The following ARHGAP10 variants were observed in gnomAD, a reference collection of about 807,000 sequenced individuals.
The protein encoded by ARHGAP10 is rho GTPase-activating protein 10.
Under a neutral mutation model 108.6 loss-of-function variants are expected in ARHGAP10, and 87 were observed. The ratio of observed to expected loss-of-function variants is 0.80; its 90% CI spans 0.67 to 0.96. The LOEUF (loss-of-function observed/expected upper bound fraction) is 0.96, where lower values mean the gene tolerates loss of function less well. Ranked by LOEUF, ARHGAP10 falls within the 40% of genes least tolerant of loss-of-function variation. ARHGAP10 has a pLI of 0.00. For missense variants in ARHGAP10, 939 were observed against 954.5 expected, an observed-to-expected ratio of 0.98 and a Z score of 0.21; for synonymous variants, 347 against 341.1, an observed-to-expected ratio of 1.02 and a Z score of -0.19.
chr4:147,999,871 T>G (rs927812353), intron 18 of ARHGAP10, among the ~76,000 whole-genome samples: 6 of 151,838 alleles, frequency 4.0e-5, no homozygotes, highest in African/African-American at 1.5e-4. Context: ...AATGGATAGC[T>G]TCCTTACTAC....
intron 8 of ARHGAP10, among the ~76,000 whole-genome samples, 185 bp downstream of exon 8, chr4:147,875,335 G>A (rs1735014427): frequency 6.6e-6 from 1 of 152,146 alleles, no homozygotes; most frequent in Non-Finnish European, 1.5e-5. Context: ...CTGGAGAGAG[G>A]GGGTACTGTG....
At chr4:147,892,537 C>G (rs1735826936) in intron 10 of ARHGAP10, among the ~76,000 whole-genome samples, 1 of 151,836 alleles carries the variant, frequency 6.6e-6, no homozygotes, top group Admixed American at 6.6e-5. Context: ...AGTAACAGTT[C>G]AGAGGTCTAA....
At chr4:147,794,771 T>A (rs777086058) in intron 1 of ARHGAP10, among the ~76,000 whole-genome samples, 4 of 152,184 alleles carry the variant, frequency 2.6e-5, no homozygotes, top group Non-Finnish European at 5.9e-5. Flanking sequence ...TAGCCCAGGA[T>A]CATGCAGTAA....
chr4:147,749,300 A>G (rs1374423525), intron 1 of ARHGAP10, among the ~76,000 whole-genome samples: 5 of 152,344 alleles, frequency 3.3e-5, no homozygotes, highest in Admixed American at 1.3e-4. Context: ...AATTTAGATT[A>G]AAATACTTAA....
intron 1 of ARHGAP10, among the ~76,000 whole-genome samples, chr4:147,771,476 T>C (rs1730078230): frequency 8.1e-6 from 1 of 123,082 alleles, no homozygotes; most frequent in African/African-American, 2.5e-5. Flanking sequence ...ACAAATATAC[T>C]CTTTTATTTT....
In ARHGAP10 at chr4:147,798,724, ACTCTCTCTCTCTCTCTCT is replaced by A. The variant is rs1178256407; in HGVS notation, c.155-23962_155-23945del. ...TTACGTGAGGTCAGGAGTTTGAGACACTCTCTCTCTCTCTCTCTCTCTCTCTCTCTCTCTCTCTCTCTC... is the reference window on the plus strand; with the variant it reads ...TTACGTGAGGTCAGGAGTTTGAGACACTCTCTCTCTCTCTCTCTCTCTCTC... On this transcript the variant is annotated intron_variant, in intron 1 of 22. Coordinates refer to ENST00000336498, the MANE Select transcript of ARHGAP10 (RefSeq NM_024605.4). 3.0e-3 allele frequency among the ~76,000 whole-genome samples: 258 copies of A among 85,812 alleles called. 1 individual carries two copies. Among genetic ancestry groups the A allele is most frequent in the East Asian group, 4.3e-3 (13 of 3,044 alleles). 56.3% of individuals were successfully genotyped at this position (85,812 alleles called of 152,430 possible).
intron 5 of ARHGAP10, chr4:147,863,762 A>G (rs1375555305): frequency 3.3e-5 from 5 of 152,232 alleles, no homozygotes; most frequent in Non-Finnish European, 7.3e-5. Context: ...AGTGTTAGGT[A>G]GAAATGTTCA....
intron 18 of ARHGAP10, among the ~76,000 whole-genome samples, chr4:147,971,113 A>T (rs977169687): frequency 4.6e-5 from 7 of 151,664 alleles, no homozygotes; most frequent in African/African-American, 1.7e-4. Flanking sequence ...AAAAAAAAAA[A>T]AAGAGTTCCT....
At chr4:147,890,783 C>T (rs1288345242) in intron 10 of ARHGAP10, among the ~76,000 whole-genome samples, 5 of 151,954 alleles carry the variant, frequency 3.3e-5, no homozygotes, top group South Asian at 2.1e-4. Flanking sequence ...GCTGAGATCA[C>T]GCCATTGGAC....
At chr4:148,055,592 G>A (rs1160165942) in intron 20 of ARHGAP10, among the ~76,000 whole-genome samples, 2 of 152,168 alleles carry the variant, frequency 1.3e-5, no homozygotes, top group African/African-American at 4.8e-5. Flanking sequence ...GGGAGGCGAA[G>A]CACGAGAATT....
At chr4:147,760,136 T>C (rs569496476) in intron 1 of ARHGAP10, among the ~76,000 whole-genome samples, 9 of 152,186 alleles carry the variant, frequency 5.9e-5, no homozygotes, top group Non-Finnish European at 1.3e-4. Context: ...CTTGCATCTG[T>C]AACCTTGCTG....
At chr4:147,801,813 C>CT (rs1248401794) in intron 1 of ARHGAP10, among the ~76,000 whole-genome samples, 1 of 152,182 alleles carries the variant, frequency 6.6e-6, no homozygotes, top group Non-Finnish European at 1.5e-5. Flanking sequence ...CTCCATGAAG[C>CT]TTTTTTTCCT....
chr4:147,859,421 C>T (rs1189025381), intron 5 of ARHGAP10, among the ~76,000 whole-genome samples: 10 of 151,900 alleles, frequency 6.6e-5, no homozygotes, highest in Non-Finnish European at 1.0e-4. Context: ...TACAGGCGCC[C>T]ACTACCACGC....
intron 1 of ARHGAP10, among the ~76,000 whole-genome samples, chr4:147,802,535 C>G (rs1477443091): frequency 6.6e-6 from 1 of 152,240 alleles, no homozygotes; most frequent in Non-Finnish European, 1.5e-5. Context: ...TTTGTAGCCT[C>G]TCTGTCCTCA....
At chr4:147,824,633 T>C (rs1732633419) in intron 3 of ARHGAP10, among the ~76,000 whole-genome samples, 2 of 151,810 alleles carry the variant, frequency 1.3e-5, no homozygotes, top group Admixed American at 6.5e-5. Context: ...TGGCACCTTC[T>C]TCACAAGGTG....
intron 4 of ARHGAP10, among the ~76,000 whole-genome samples, chr4:147,853,240 C>T (rs1733947539): frequency 6.6e-6 from 1 of 152,154 alleles, no homozygotes; most frequent in African/African-American, 2.4e-5. Flanking sequence ...AGAAGGAATC[C>T]ACACAGGCAC....
intron 18 of ARHGAP10, among the ~76,000 whole-genome samples, chr4:148,012,042 A>C (rs1182074422): frequency 1.3e-5 from 2 of 152,248 alleles, no homozygotes; most frequent in Non-Finnish European, 2.9e-5. Context: ...TACTGATGAT[A>C]GTGCCAAACA....
chr4:147,864,778 T>C, intron 5 of ARHGAP10, 68 bp from the exon 6 acceptor site: 1 of 1,409,206 alleles, frequency 7.1e-7, no homozygotes, highest in South Asian at 1.2e-5. Flanking sequence ...CACAGTGTGA[T>C]GACCTCTGAT....
chr4:147,805,031 A>T (rs944988996), intron 1 of ARHGAP10, among the ~76,000 whole-genome samples: 1 of 152,134 alleles, frequency 6.6e-6, no homozygotes, highest in African/African-American at 2.4e-5. Flanking sequence ...TGGCATCTTC[A>T]TCATGAAATC....
Sources: gnomAD v4.1 joint callset for allele counts (sites outside exome capture counted in the v4.1 genomes callset) on GRCh38, gnomAD v4.1.1 for gene constraint, MANE v1.5 for transcripts, NCBI Gene and HGNC (gene_info 2026-07-23, HGNC 2026-07-21) for gene names.